TRHDE: variants seen among roughly 807,000 people sequenced by gnomAD.
TRHDE encodes the protein thyrotropin-releasing hormone-degrading ectoenzyme.
TRHDE carries 72 observed loss-of-function variants against 125.7 expected under a neutral mutation model. The ratio of observed to expected loss-of-function variants is 0.57; its 90% CI spans 0.47 to 0.70. TRHDE has a LOEUF of 0.70. Among genes scored for constraint, TRHDE ranks in the 30% least tolerant of loss-of-function variants. TRHDE has a pLI of 0.00. For missense variants in TRHDE, 1,110 were observed against 1,327.1 expected (o/e 0.84, Z 2.54); for synonymous variants, 509 against 509.1 (o/e 1.00, Z 0.00).
At chr12:72,418,084 T>A (rs11179196) in intron 3 of TRHDE, among the ~76,000 whole-genome samples, 14,635 of 152,056 alleles carry the variant, frequency 0.096, 1,185 homozygotes, top group East Asian at 0.48. Flanking sequence ...TATTAATTCT[T>A]GCTATCAAAA....
At chr12:72,603,025 C>A (rs931986506) in intron 12 of TRHDE, among the ~76,000 whole-genome samples, 11 of 152,034 alleles carry the variant, frequency 7.2e-5, no homozygotes, top group Non-Finnish European at 1.6e-4. Flanking sequence ...TAACACCAAG[C>A]AAAAGCTTCA....
upstream of TRHDE, chr12:72,271,876 G>T (rs1879227299): frequency 2.2e-6 from 1 of 455,872 alleles, no homozygotes; most frequent in Admixed American, 2.3e-5. Context: ...TCTCCGGAGG[G>T]CAGAGCAAGA....
Position 72,656,908 on chromosome 12 carries a change from A to G in TRHDE, c.2985-19A>G. 6.6e-7 allele frequency: 1 copy of G among 1,525,848 alleles called. No individual in the cohort carries two copies. The allele number at this position is 1,525,848 out of a possible 1,614,324, so 94.5% of individuals were successfully genotyped here. A position where few individuals can be genotyped will look rare whatever the true frequency, so the allele number is the denominator to read the frequency against. ...AATTATGACCTGCATTGACATTAAG[A>G]CTCTTTTTTTCTTTTGAGGTATGGA... On this transcript the variant is annotated intron_variant, in intron 17 of 18. Transcript: ENST00000261180.
chr12:72,095,911 T>G (rs894965986), intron 1 of TRHDE, among the ~76,000 whole-genome samples: 2 of 152,186 alleles, frequency 1.3e-5, no homozygotes, highest in African/African-American at 2.4e-5. Context: ...CCCTCTATAA[T>G]GTGGTTGGGC....
At chr12:72,549,848 C>G (rs1869592827) in intron 7 of TRHDE, among the ~76,000 whole-genome samples, 1 of 151,664 alleles carries the variant, frequency 6.6e-6, no homozygotes, top group South Asian at 2.1e-4. Context: ...TTTTATTCAT[C>G]AATTTTTAAA....
intron 5 of TRHDE, among the ~76,000 whole-genome samples, chr12:72,478,143 G>A (rs930297255): frequency 4.6e-5 from 7 of 152,130 alleles, no homozygotes; most frequent in African/African-American, 1.7e-4. Context: ...ACTAGAAGGT[G>A]ATCCAAATGT....
In TRHDE at chr12:72,273,153, G is replaced by C; in HGVS notation, c.510G>C (p.Pro170=). The change falls in exon 1 of 19, where the codon CCG becomes CCC. Residue 170 remains proline (P), a synonymous_variant. Coordinates refer to ENST00000261180, the MANE Select transcript of TRHDE (RefSeq NM_013381.3). This position sits in a 1 kb window ranked among gnomAD's most constrained non-coding sequence, Gnocchi z 5.3. ...CGGGGACCACGTCGGCCCAGCCGCC[G>C]TCGGAGGAGGAGCGGGAGCCGTGGG... ...ASPGTTSAQP[P]SEEEREPWEP... is the part of the protein sequence containing the mutation. 3 of 1,576,540 alleles carry C rather than the reference G, an allele frequency of 1.9e-6. No homozygotes were observed. The highest frequency in any genetic ancestry group is 2.6e-6 in the Non-Finnish European group (3 of 1,159,022).
intron 3 of TRHDE, among the ~76,000 whole-genome samples, chr12:72,390,407 T>C (rs1872574993): frequency 6.6e-6 from 1 of 152,068 alleles, no homozygotes; most frequent in Non-Finnish European, 1.5e-5. Context: ...GGATTACTGC[T>C]GACAGCAGCA....
At chr12:72,460,415 G>T (rs1186147425) in intron 3 of TRHDE, among the ~76,000 whole-genome samples, 1 of 152,096 alleles carries the variant, frequency 6.6e-6, no homozygotes, top group East Asian at 1.9e-4. Context: ...TTGCCATCAT[G>T]TGTGTCTATA....
chr12:72,507,876 A>C (rs1354386490), intron 6 of TRHDE, among the ~76,000 whole-genome samples: 1 of 152,228 alleles, frequency 6.6e-6, no homozygotes, highest in African/African-American at 2.4e-5. Flanking sequence ...TGCTCTGTGC[A>C]GTCTTGGGAC....
chr12:72,373,109 C>T (rs1871690700), intron 2 of TRHDE, among the ~76,000 whole-genome samples: 1 of 152,012 alleles, frequency 6.6e-6, no homozygotes, highest in Non-Finnish European at 1.5e-5. Context: ...CCTTCATGTC[C>T]CTTGTAAGTT....
chr12:72,347,130 G>A (rs1316761511), intron 2 of TRHDE, among the ~76,000 whole-genome samples: 2 of 151,986 alleles, frequency 1.3e-5, no homozygotes, highest in Non-Finnish European at 2.9e-5. Flanking sequence ...TTCCAAATGT[G>A]GCATATTTCT....
chr12:72,516,580 T>C (rs1878871053), intron 6 of TRHDE, among the ~76,000 whole-genome samples: 1 of 152,216 alleles, frequency 6.6e-6, no homozygotes, highest in East Asian at 1.9e-4. Flanking sequence ...TACAATCATG[T>C]TGTCTGCAAA....
intron 2 of TRHDE, among the ~76,000 whole-genome samples, chr12:72,135,331 C>A (rs1875959841): frequency 6.6e-6 from 1 of 152,154 alleles, no homozygotes; most frequent in Non-Finnish European, 1.5e-5. Context: ...CCGTTCATTA[C>A]CAGTTCTGCA....
At chr12:72,325,396 A>T (rs1247337982) in intron 2 of TRHDE, among the ~76,000 whole-genome samples, 1 of 152,154 alleles carries the variant, frequency 6.6e-6, no homozygotes, top group Non-Finnish European at 1.5e-5. Context: ...TAGAGAAAGA[A>T]AGCCATTAAA....
At chr12:72,561,347 T>G (rs1253373093) in intron 7 of TRHDE, among the ~76,000 whole-genome samples, 1 of 152,142 alleles carries the variant, frequency 6.6e-6, no homozygotes, top group Admixed American at 6.5e-5. Context: ...GCAGAGATAA[T>G]GGAATTTCAA....
chr12:72,629,530 A>G (rs1242590257), intron 15 of TRHDE, among the ~76,000 whole-genome samples: 1 of 151,772 alleles, frequency 6.6e-6, no homozygotes, highest in Non-Finnish European at 1.5e-5. Context: ...ACTGTTTATT[A>G]CAGTACAAGT....
chr12:72,624,851 G>A (rs566014026), intron 15 of TRHDE, among the ~76,000 whole-genome samples: 7 of 151,922 alleles, frequency 4.6e-5, no homozygotes, highest in African/African-American at 1.7e-4. Flanking sequence ...CAAGCATTTG[G>A]TGGAGATACA....
chr12:72,542,241 A>G, intron 6 of TRHDE, 50 bp from the exon 7 acceptor site: 6 of 1,418,214 alleles, frequency 4.2e-6, no homozygotes, highest in Non-Finnish European at 5.8e-6. Context: ...CAACTTTACA[A>G]TCATGATACT....
Sources: allele counts gnomAD v4.1 joint callset (sites outside exome capture counted in the v4.1 genomes callset), GRCh38; gene constraint gnomAD v4.1.1; non-coding constraint Gnocchi (gnomAD v3.1); transcripts MANE v1.5; gene names NCBI Gene and HGNC (gene_info 2026-07-23, HGNC 2026-07-21).